Variants in TRPC5 observed in about 807,000 individuals in gnomAD.
The protein encoded by TRPC5 is transient receptor potential cation channel subfamily C member 5.
TRPC5 carries 9 observed loss-of-function variants against 56.5 expected under a neutral mutation model. The ratio of observed to expected loss-of-function variants is 0.16; its 90% CI spans 0.10 to 0.28. The LOEUF is 0.28. TRPC5 is among the 10% of genes least tolerant of loss of function. The pLI, the probability that TRPC5 is intolerant of heterozygous loss-of-function variation, is 1.00. For synonymous variants in TRPC5, 282 were observed against 278.5 expected (o/e 1.01, Z -0.13); for missense variants, 469 against 748.9 (o/e 0.63, Z 4.36).
intron 7 of TRPC5, among the ~76,000 whole-genome samples, chrX:111,798,645 C>G (rs1411889877): frequency 9.0e-6 from 1 of 111,107 alleles, no homozygotes; most frequent in African/African-American, 3.3e-5. Flanking sequence ...GCATAAGGAC[C>G]ATTGTAAAAA....
chrX:111,848,731 C>T (rs147587813), intron 5 of TRPC5, among the ~76,000 whole-genome samples: 1 of 112,545 alleles, frequency 8.9e-6, no homozygotes, highest in East Asian at 2.8e-4. Context: ...AACTGTGCCA[C>T]ATTTGTGCTT....
At chrX:111,784,205 G>C (rs1945942231) in intron 7 of TRPC5, among the ~76,000 whole-genome samples, 1 of 111,968 alleles carries the variant, frequency 8.9e-6, no homozygotes, top group Admixed American at 9.5e-5. Context: ...TAATAGGAAA[G>C]CATAGGAGTA....
intron 7 of TRPC5, among the ~76,000 whole-genome samples, chrX:111,791,260 C>T (rs1946019096): frequency 9.1e-6 from 1 of 110,481 alleles, no homozygotes; most frequent in Non-Finnish European, 1.9e-5. Flanking sequence ...AATGACTCAG[C>T]CCGTTGATGT....
chrX:111,951,479 C>T (rs1451471503), intron 2 of TRPC5, among the ~76,000 whole-genome samples: 3 of 111,809 alleles, frequency 2.7e-5, no homozygotes, highest in Admixed American at 9.5e-5. Context: ...GAGTATCAAA[C>T]CTAGGTGCCT....
intron 7 of TRPC5, among the ~76,000 whole-genome samples, chrX:111,804,546 TCTC>T (rs1342940132): frequency 9.0e-6 from 1 of 111,506 alleles, no homozygotes; most frequent in East Asian, 2.8e-4. Context: ...GGTTTGTAGT[TCTC>T]CTTGAAGAGG....
At chrX:111,905,455 A>G (rs1219690895) in intron 3 of TRPC5, among the ~76,000 whole-genome samples, 2 of 112,264 alleles carry the variant, frequency 1.8e-5, no homozygotes, top group African/African-American at 6.5e-5. Flanking sequence ...ACTTGTATTG[A>G]TAAATAAAAC....
chrX:111,792,676 G>A (rs1159596820), intron 7 of TRPC5, among the ~76,000 whole-genome samples: 1 of 111,517 alleles, frequency 9.0e-6, no homozygotes, highest in East Asian at 2.8e-4. Flanking sequence ...AGGGTCAAAG[G>A]TCTTGGTTCC....
intron 1 of TRPC5, among the ~76,000 whole-genome samples, chrX:112,081,585 T>C (rs1471392065): frequency 9.0e-6 from 1 of 111,552 alleles, no homozygotes; most frequent in East Asian, 2.8e-4. Flanking sequence ...TGTCCAGGGA[T>C]AGGACAAAGC....
At chrX:112,052,295 G>GT (rs57326849) in intron 1 of TRPC5, among the ~76,000 whole-genome samples, 14,694 of 107,984 alleles carry the variant, frequency 0.14, 1,339 homozygotes, top group African/African-American at 0.33. Flanking sequence ...TTTATTTACT[G>GT]TTTTTTTTTA....
intron 2 of TRPC5, among the ~76,000 whole-genome samples, chrX:111,943,761 T>C (rs984918361): frequency 8.9e-6 from 1 of 111,983 alleles, no homozygotes; most frequent in Admixed American, 9.5e-5. Context: ...TTTGAGGTCG[T>C]GCAGATTGCC....
intron 3 of TRPC5, among the ~76,000 whole-genome samples, chrX:111,891,791 C>T (rs1350870256): frequency 9.0e-6 from 1 of 111,424 alleles, no homozygotes; most frequent in Non-Finnish European, 1.9e-5. Flanking sequence ...TCGTGATCTG[C>T]CTGCCTTGGC....
chrX:111,942,995 A>G (rs753682795), intron 2 of TRPC5, among the ~76,000 whole-genome samples: 5 of 111,711 alleles, frequency 4.5e-5, no homozygotes, highest in African/African-American at 1.6e-4. Flanking sequence ...CATGGCTTCA[A>G]CTAGTAGGAG....
chrX:112,004,204 A>G (rs1928772802), intron 1 of TRPC5, among the ~76,000 whole-genome samples: 1 of 111,762 alleles, frequency 8.9e-6, no homozygotes, highest in Admixed American at 9.5e-5. Flanking sequence ...AATTAACCAT[A>G]GAGTTATCTG....
At chrX:111,841,492 T>C (rs1922730991) in intron 6 of TRPC5, among the ~76,000 whole-genome samples, 1 of 111,975 alleles carries the variant, frequency 8.9e-6, no homozygotes, top group African/African-American at 3.2e-5. Flanking sequence ...AACAACACTG[T>C]CTACCTGATA....
At chrX:111,943,690 C>T (rs952117175) in intron 2 of TRPC5, among the ~76,000 whole-genome samples, 1 of 112,195 alleles carries the variant, frequency 8.9e-6, no homozygotes, top group Non-Finnish European at 1.9e-5. Context: ...GATATAGAGG[C>T]CAGCAGCTCT....
rs765780920 is a variant in TRPC5, at chrX:111,818,193, C to T, written c.1896+16728G>A. On this transcript the variant is annotated intron_variant, in intron 7 of 10. Coordinates refer to ENST00000262839, the MANE Select transcript of TRPC5 (RefSeq NM_012471.3). ...AGCAACTGGGGGGAAAATTTTGCCT[C>T]ATATATTTCAATTATTTTTTTCCTA... Among the ~76,000 whole-genome samples the T allele has an allele frequency of 2.7e-5, 3 of 112,003 alleles. No homozygotes were observed. The East Asian group carries it at 8.4e-4, about 32-fold the overall frequency.
chrX:111,834,326 G>A (rs1569526142), intron 7 of TRPC5, among the ~76,000 whole-genome samples: 1 of 111,799 alleles, frequency 8.9e-6, no homozygotes, highest in Non-Finnish European at 1.9e-5. Flanking sequence ...TGCAGTGGCT[G>A]ATGCCTGTAA....
rs911942182 is a variant in TRPC5 at position 111,770,517 on chromosome X, T to A, written c.*5796A>T. 4.4e-5 allele frequency among the ~76,000 whole-genome samples: 5 copies of A among 112,410 alleles called. No individual in the cohort carries two copies. The highest frequency in any genetic ancestry group is 9.4e-5 in the Non-Finnish European group (5 of 53,288). The stretch of plus-strand genomic sequence containing the variant: ...AATTAACCATTTTAAATTATATTTT[T>A]AATTCAGGTTATTCATCTCAATTTG... On this transcript the variant is annotated 3_prime_UTR_variant, in exon 11 of 11. Coordinates refer to ENST00000262839, the MANE Select transcript of TRPC5 (RefSeq NM_012471.3).
At chrX:112,068,462 G>C (rs1382726021) in intron 1 of TRPC5, among the ~76,000 whole-genome samples, 1 of 112,225 alleles carries the variant, frequency 8.9e-6, no homozygotes, top group African/African-American at 3.2e-5. Context: ...GGGTGATTGT[G>C]GGGAGAAGAA....
Sources: gnomAD v4.1 joint callset for allele counts (sites outside exome capture counted in the v4.1 genomes callset) on GRCh38, gnomAD v4.1.1 for gene constraint, MANE v1.5 for transcripts, NCBI Gene and HGNC (gene_info 2026-07-23, HGNC 2026-07-21) for gene names.